GPR158: variants seen among roughly 807,000 people sequenced by gnomAD.
GPR158 encodes the protein metabotropic glycine receptor.
Under a neutral mutation model 78.2 loss-of-function variants are expected in GPR158, and 30 were observed. The ratio of observed to expected loss-of-function variants is 0.38; its 90% CI spans 0.29 to 0.52. GPR158 has a LOEUF of 0.52. Among genes scored for constraint, GPR158 ranks in the 20% least tolerant of loss-of-function variants. The pLI, the probability that GPR158 is intolerant of heterozygous loss-of-function variation, is 0.83. For missense variants in GPR158, 1,463 were observed against 1,523.5 expected (o/e 0.96, Z 0.66); for synonymous variants, 581 against 591.1 (o/e 0.98, Z 0.25).
intron 5 of GPR158, among the ~76,000 whole-genome samples, chr10:25,544,090 A>G (rs1267542928): frequency 6.6e-6 from 1 of 152,148 alleles, no homozygotes; most frequent in Non-Finnish European, 1.5e-5. Context: ...CATCCTCTTT[A>G]ACCTAGGATG....
chr10:25,439,326 A>T (rs1388331815), intron 4 of GPR158, among the ~76,000 whole-genome samples: 1 of 152,212 alleles, frequency 6.6e-6, no homozygotes, highest in African/African-American at 2.4e-5. Flanking sequence ...CATGAGACGT[A>T]TTCACTACCA....
At chr10:25,230,281 A>G (rs1399489301) in intron 2 of GPR158, among the ~76,000 whole-genome samples, 1 of 152,176 alleles carries the variant, frequency 6.6e-6, no homozygotes, top group East Asian at 1.9e-4. Flanking sequence ...GATATTTGGG[A>G]GGATAATTGA....
At position 25,339,020 on chromosome 10, in the gene GPR158, C is replaced by CTT. The variant is rs55774828; in HGVS notation, c.1009-56876_1009-56875dup. On this transcript the variant is annotated intron_variant, in intron 2 of 10. Coordinates refer to ENST00000376351, the MANE Select transcript of GPR158 (RefSeq NM_020752.3). ...GTTAGGTTTCTTTCTTTCTTTCTTT[C>CTT]TTTTTTTTTTTTTTTTAAAGACAGG... 1.0e-4 allele frequency among the ~76,000 whole-genome samples: 14 copies of CTT among 137,244 alleles called. No individual in the cohort carries two copies. In the South Asian group the frequency reaches 1.4e-3, roughly 14 times the overall value. The allele number at this position is 137,244 out of a possible 152,430, so 90.0% of individuals were successfully genotyped here. A position where few individuals can be genotyped will look rare whatever the true frequency, so the allele number is the denominator to read the frequency against.
At position 25,341,535 on chromosome 10, in the gene GPR158, A is replaced by G. The variant is rs554870490; in HGVS notation, c.1009-54376A>G. 2.8e-4 allele frequency among the ~76,000 whole-genome samples: 43 copies of G among 152,122 alleles called. No homozygotes were observed. The South Asian group carries it at 8.9e-3, about 32-fold the overall frequency. The stretch of plus-strand genomic sequence containing the variant: ...AAATAATAAATAATGGATCCAAAAA[A>G]GGAATCCAGGAGAGAAAAAGAACAA... On this transcript the variant is annotated intron_variant, in intron 2 of 10. Transcript: ENST00000376351.
chr10:25,544,126 A>C (rs527800066), intron 5 of GPR158, among the ~76,000 whole-genome samples: 1 of 152,314 alleles, frequency 6.6e-6, no homozygotes, highest in East Asian at 1.9e-4. Context: ...CCTATACTTT[A>C]TATGCTGTGA....
At chr10:25,575,121 G>C (rs11014619) in intron 7 of GPR158, among the ~76,000 whole-genome samples, 57,932 of 150,898 alleles carry the variant, frequency 0.38, 11,604 homozygotes, top group African/African-American at 0.45. Context: ...TATGAAACAT[G>C]GAGGAAATGC....
At chr10:25,435,958 A>T (rs1435196410) in intron 4 of GPR158, among the ~76,000 whole-genome samples, 1 of 152,132 alleles carries the variant, frequency 6.6e-6, no homozygotes, top group Non-Finnish European at 1.5e-5. Flanking sequence ...AAAAAATAGA[A>T]ATCCATATTG....
At chr10:25,235,148 A>T (rs1853502839) in intron 2 of GPR158, among the ~76,000 whole-genome samples, 1 of 152,208 alleles carries the variant, frequency 6.6e-6, no homozygotes, top group Admixed American at 6.5e-5. Flanking sequence ...ATGAAATCCT[A>T]CATCTTTTCT....
chr10:25,430,067 A>G (rs1187787284), intron 4 of GPR158, among the ~76,000 whole-genome samples: 1 of 148,588 alleles, frequency 6.7e-6, no homozygotes, highest in African/African-American at 2.5e-5. Context: ...GAGGAAGTCA[A>G]ATTGTCCCTG....
chr10:25,473,025 C>T (rs539375510), intron 5 of GPR158, among the ~76,000 whole-genome samples: 1,955 of 152,192 alleles, frequency 0.013, 49 homozygotes, highest in African/African-American at 0.044. Context: ...GCATCCCTGT[C>T]TTGTGCCAAT....
At chr10:25,296,599 A>C (rs1855462) in intron 2 of GPR158, among the ~76,000 whole-genome samples, 124,133 of 151,974 alleles carry the variant, frequency 0.82, 51,732 homozygotes, top group African/African-American at 0.9. Context: ...TCCTAGTACC[A>C]AAATGAGTAC....
chr10:25,245,512 T>A (rs1229098682), intron 2 of GPR158, among the ~76,000 whole-genome samples: 1 of 152,202 alleles, frequency 6.6e-6, no homozygotes, highest in Non-Finnish European at 1.5e-5. Context: ...GAATTCTAGT[T>A]CTGTTGTGTA....
At chr10:25,189,834 A>ATGTGTGTGTGTGTG (rs56205437) in intron 1 of GPR158, among the ~76,000 whole-genome samples, 18 of 120,538 alleles carry the variant, frequency 1.5e-4, no homozygotes, top group African/African-American at 5.5e-4. Flanking sequence ...AAAGGAAAGC[A>ATGTGTGTGTGTGTG]TGTGTGTGTG....
intron 2 of GPR158, among the ~76,000 whole-genome samples, chr10:25,278,392 T>A (rs899064565): frequency 1.3e-5 from 2 of 151,908 alleles, no homozygotes; most frequent in Non-Finnish European, 2.9e-5. Context: ...TATAGAGGAA[T>A]AGATGAAAAA....
intron 5 of GPR158, among the ~76,000 whole-genome samples, chr10:25,532,897 A>G (rs962696): frequency 0.53 from 80,050 of 151,952 alleles, 21,830 homozygotes; most frequent in African/African-American, 0.68. Context: ...ACAGAAGCAT[A>G]TGCTATTACT....
chr10:25,324,356 T>C (rs375889078), intron 2 of GPR158, among the ~76,000 whole-genome samples: 13 of 152,300 alleles, frequency 8.5e-5, no homozygotes, highest in East Asian at 7.7e-4. Context: ...GATTTCAATA[T>C]TGTTGTGTGT....
intron 4 of GPR158, among the ~76,000 whole-genome samples, chr10:25,417,951 G>A (rs958821525): frequency 1.3e-5 from 2 of 152,090 alleles, no homozygotes; most frequent in African/African-American, 4.8e-5. Flanking sequence ...TGTCATTGAG[G>A]GCCTGCTAGA....
intron 2 of GPR158, among the ~76,000 whole-genome samples, chr10:25,271,098 G>A (rs1419262803): frequency 2.0e-5 from 3 of 152,150 alleles, no homozygotes; most frequent in African/African-American, 7.2e-5. Flanking sequence ...GGACACCTAT[G>A]TGCCCAGGTC....
intron 5 of GPR158, among the ~76,000 whole-genome samples, chr10:25,521,674 C>G (rs540312069): frequency 6.6e-6 from 1 of 152,270 alleles, no homozygotes; most frequent in Admixed American, 6.5e-5. Flanking sequence ...GAGGGAAGAT[C>G]TGGGGTGAAA....
Sources: gnomAD v4.1 joint callset for allele counts (sites outside exome capture counted in the v4.1 genomes callset) on GRCh38, gnomAD v4.1.1 for gene constraint, MANE v1.5 for transcripts, NCBI Gene and HGNC (gene_info 2026-07-23, HGNC 2026-07-21) for gene names.